The following MYO5B variants were observed in gnomAD, a reference collection of about 807,000 sequenced individuals.
MYO5B encodes unconventional myosin-Vb.
In MYO5B, 143 loss-of-function variants were observed where a neutral mutation model predicts 229.3. The ratio of observed to expected loss-of-function variants is 0.62; its 90% confidence interval spans 0.54 to 0.72. The LOEUF is 0.72. Ranked by LOEUF, MYO5B falls within the 30% of genes least tolerant of loss-of-function variation. The probability of loss-of-function intolerance (pLI) is 0.00; values close to 1 mark genes in which losing one functional copy is unlikely to be tolerated. For synonymous variants in MYO5B, 918 were observed against 885.2 expected (o/e 1.04, Z -0.66); for missense variants, 2,321 against 2,331.0 (o/e 1.00, Z 0.09).
Position 49,948,616 on chromosome 18 carries a change from T to C in MYO5B, c.1752+4644A>G, listed in dbSNP as rs138132841. Among the ~76,000 whole-genome samples, 544 of 152,304 alleles carry C rather than the reference T, an allele frequency of 3.6e-3. 3 individuals carry two copies. Among genetic ancestry groups the C allele is most frequent in the African/African-American group, 0.012 (511 of 41,570 alleles). On this transcript the variant is annotated intron_variant, in intron 14 of 39. Transcript: ENST00000285039. ...TCAAGCTCCTATTCAGAAAATAAGTTAAAAAATTAAAAGTAAACATAAGAT... is the reference window on the plus strand; with the variant it reads ...TCAAGCTCCTATTCAGAAAATAAGTCAAAAAATTAAAAGTAAACATAAGAT...
At chr18:50,137,441 C>A (rs2032353124) in intron 1 of MYO5B, among the ~76,000 whole-genome samples, 1 of 152,222 alleles carries the variant, frequency 6.6e-6, no homozygotes, top group South Asian at 2.1e-4. Context: ...TAGACAAGGT[C>A]CTGTCCTGCC....
At position 49,826,435 on chromosome 18, in the gene MYO5B, C is replaced by T. The variant is rs773189406; in HGVS notation, c.*36G>A. On this transcript the variant is annotated 3_prime_UTR_variant, in exon 40 of 40. Coordinates refer to ENST00000285039, the MANE Select transcript of MYO5B (RefSeq NM_001080467.3). ...ACTGTATATACTTCCTTCTTGCTCA[C>T]ATTGGGAATCAAACTAATGCTGGAA... is the stretch of plus-strand genomic sequence containing the variant. 14 of 1,611,582 alleles carry T rather than the reference C, an allele frequency of 8.7e-6. No homozygotes were observed. Among genetic ancestry groups the T allele is most frequent in the South Asian group, 1.1e-5 (1 of 91,010 alleles).
At chr18:50,031,180 T>C (rs1305856105) in intron 4 of MYO5B, among the ~76,000 whole-genome samples, 3 of 152,000 alleles carry the variant, frequency 2.0e-5, no homozygotes, top group Admixed American at 1.3e-4. Context: ...CTAAATTCCA[T>C]TGCTACCCAT....
intron 1 of MYO5B, among the ~76,000 whole-genome samples, chr18:50,142,912 A>G (rs1340229312): frequency 6.6e-6 from 1 of 152,254 alleles, no homozygotes; most frequent in Non-Finnish European, 1.5e-5. Flanking sequence ...GCCAGCAGAC[A>G]TACGATAGGA....
At chr18:50,087,464 T>C (rs948101632) in intron 1 of MYO5B, among the ~76,000 whole-genome samples, 1 of 149,454 alleles carries the variant, frequency 6.7e-6, no homozygotes, top group Admixed American at 6.7e-5. Flanking sequence ...TCCCAGCTAC[T>C]AGGGAGGGTG....
chr18:50,062,529 T>C (rs2030714228), intron 1 of MYO5B, among the ~76,000 whole-genome samples: 1 of 152,234 alleles, frequency 6.6e-6, no homozygotes, highest in African/African-American at 2.4e-5. Flanking sequence ...TTGTAGGAAC[T>C]ATGAAAACAC....
chr18:50,101,649 A>G (rs1289678022), intron 1 of MYO5B, among the ~76,000 whole-genome samples: 1 of 152,240 alleles, frequency 6.6e-6, no homozygotes, highest in Non-Finnish European at 1.5e-5. Context: ...AAGGCTCAAC[A>G]TCACGGATTA....
chr18:50,059,636 T>C (rs959227335), intron 1 of MYO5B, among the ~76,000 whole-genome samples: 12 of 152,202 alleles, frequency 7.9e-5, no homozygotes, highest in African/African-American at 2.9e-4. Context: ...CAGTTCATTG[T>C]TAAATCAGAA....
At chr18:49,908,864 G>C (rs1598874932) in intron 18 of MYO5B, among the ~76,000 whole-genome samples, 1 of 152,200 alleles carries the variant, frequency 6.6e-6, no homozygotes, top group Admixed American at 6.5e-5. Flanking sequence ...AACAAATTCA[G>C]GTTAAGAATG....
chr18:50,015,331 C>G (rs528414871), intron 4 of MYO5B, among the ~76,000 whole-genome samples: 3 of 152,210 alleles, frequency 2.0e-5, no homozygotes, highest in African/African-American at 7.2e-5. Context: ...TATTTGACCA[C>G]TCCTTTGGCT....
intron 1 of MYO5B, among the ~76,000 whole-genome samples, chr18:50,156,019 G>A (rs1430769307): frequency 6.6e-6 from 1 of 152,150 alleles, no homozygotes; most frequent in East Asian, 1.9e-4. Context: ...TTCTAGCAAG[G>A]TCCTACACTT....
intron 27 of MYO5B, among the ~76,000 whole-genome samples, chr18:49,870,821 T>C (rs1054914198): frequency 1.3e-5 from 2 of 152,182 alleles, no homozygotes; most frequent in African/African-American, 4.8e-5. Context: ...GTGGAGAAAC[T>C]GGAATCCTTG....
chr18:49,981,002 G>T (rs1165788764), intron 8 of MYO5B, among the ~76,000 whole-genome samples: 1 of 152,230 alleles, frequency 6.6e-6, no homozygotes, highest in Admixed American at 6.5e-5. Flanking sequence ...AATGAGGGAA[G>T]AAAAGGAGAA....
chr18:50,186,474 CTCCT>C (rs1199149633), intron 1 of MYO5B, among the ~76,000 whole-genome samples: 1 of 152,166 alleles, frequency 6.6e-6, no homozygotes, highest in Non-Finnish European at 1.5e-5. Flanking sequence ...ACTGCTCTTG[CTCCT>C]TCCCCAGGGG....
chr18:49,957,142 C>CAAAAAAAAAAAAACAAAAAAA (rs2025501865), intron 12 of MYO5B, among the ~76,000 whole-genome samples: 1 of 58,736 alleles, frequency 1.7e-5, no homozygotes, highest in African/African-American at 7.9e-5. Flanking sequence ...AATAAAGTAG[C>CAAAAAAAAAAAAACAAAAAAA]AAAAAAAAAA....
At chr18:50,032,806 C>T (rs943043333) in intron 4 of MYO5B, among the ~76,000 whole-genome samples, 1 of 152,042 alleles carries the variant, frequency 6.6e-6, no homozygotes, top group African/African-American at 2.4e-5. Context: ...GTCAACAAGG[C>T]AAAACCCTGT....
At chr18:49,866,547 G>T (rs1568616920) in intron 27 of MYO5B, among the ~76,000 whole-genome samples, 1 of 152,094 alleles carries the variant, frequency 6.6e-6, no homozygotes, top group Non-Finnish European at 1.5e-5. Flanking sequence ...TCTACTTTCT[G>T]TCTCTGAGTT....
At chr18:49,947,362 C>T (rs1026321633) in intron 14 of MYO5B, among the ~76,000 whole-genome samples, 1 of 151,942 alleles carries the variant, frequency 6.6e-6, no homozygotes, top group Non-Finnish European at 1.5e-5. Flanking sequence ...GCCTTGGCCT[C>T]CCGAAGTGCT....
intron 1 of MYO5B, among the ~76,000 whole-genome samples, chr18:50,139,251 TC>T (rs2032381683): frequency 6.6e-6 from 1 of 152,192 alleles, no homozygotes; most frequent in South Asian, 2.1e-4. Flanking sequence ...CAGGACCCTC[TC>T]CCAACTTTGC....
Sources: gnomAD v4.1 joint callset for allele counts (sites outside exome capture counted in the v4.1 genomes callset) on GRCh38, gnomAD v4.1.1 for gene constraint, MANE v1.5 for transcripts, NCBI Gene and HGNC (gene_info 2026-07-23, HGNC 2026-07-21) for gene names.